The following SYT3 variants were observed in gnomAD, a reference collection of about 807,000 sequenced individuals.
SYT3 encodes synaptotagmin 3, also known as synaptotagmin-3.
A neutral mutation model predicts 50.6 loss-of-function variants in SYT3; 25 were observed. The ratio of observed to expected loss-of-function variants is 0.49; its 90% CI spans 0.36 to 0.69. SYT3 has a LOEUF of 0.69. Ranked by LOEUF, SYT3 falls within the 30% of genes least tolerant of loss-of-function variation. SYT3 has a pLI of 0.00. For missense variants in SYT3, 589 were observed against 793.6 expected (o/e 0.74, Z 3.10); for synonymous variants, 323 against 353.9 (o/e 0.91, Z 0.98).
chr19:50,625,693 C>T lies in SYT3; in HGVS notation c.1403-129G>A. The T allele has an allele frequency of 7.1e-6, 10 of 1,404,564 alleles. No homozygotes were observed. The highest frequency in any genetic ancestry group is 9.5e-6 in the Non-Finnish European group (10 of 1,051,680). 87.0% of individuals were successfully genotyped at this position (1,404,564 alleles called of 1,614,324 possible). A position where few individuals can be genotyped will look rare whatever the true frequency, so the allele number is the denominator to read the frequency against. Reference sequence around the variant, plus strand: ...GGCCCCAGGCCCCCAGTCCCTCCTTCCTCAGGCCCAAGAGTCCAGACCCCA... The same window carrying T: ...GGCCCCAGGCCCCCAGTCCCTCCTTTCTCAGGCCCAAGAGTCCAGACCCCA... On this transcript the variant is annotated intron_variant, in intron 7 of 10. Transcript: ENST00000600079. The surrounding 1 kb of genome is among the most constrained non-coding windows in gnomAD (Gnocchi z 7.5).
intron 3 of SYT3, among the ~76,000 whole-genome samples, chr19:50,636,295 G>C (rs1984493207): frequency 6.6e-6 from 1 of 152,140 alleles, no homozygotes; most frequent in Admixed American, 6.5e-5. Context: ...ACAGTTTCCT[G>C]AGTTCTGTGA....
chr19:50,633,771 A>G (rs1984403450), intron 3 of SYT3, among the ~76,000 whole-genome samples: 1 of 152,228 alleles, frequency 6.6e-6, no homozygotes, highest in African/African-American at 2.4e-5. Flanking sequence ...TAAGCCTGCC[A>G]GGCACTACAT....
At position 50,635,424 on chromosome 19, in the gene SYT3, C is replaced by T. The variant is rs190583214; in HGVS notation, c.148+1840G>A. The stretch of plus-strand genomic sequence containing the variant: ...GAATCCCACAAACCCTGACAGATTC[C>T]CCATTCCTGTCTGCACAGACTGGGG... On this transcript the variant is annotated intron_variant, in intron 3 of 10. Transcript: ENST00000600079. Among the ~76,000 whole-genome samples, 6 of 152,324 alleles carry T rather than the reference C, an allele frequency of 3.9e-5. No homozygotes were observed. The South Asian group carries it at 8.3e-4, about 21-fold the overall frequency.
At chr19:50,630,569 T>G (rs1333912198) in intron 4 of SYT3, among the ~76,000 whole-genome samples, 2 of 152,076 alleles carry the variant, frequency 1.3e-5, no homozygotes, top group African/African-American at 4.8e-5. Flanking sequence ...ATTACAGGCA[T>G]GCACCACCAT....
the SYT3 span, among the ~76,000 whole-genome samples, chr19:50,656,535 T>G: frequency 6.6e-6 from 1 of 151,894 alleles, no homozygotes; most frequent in South Asian, 2.1e-4. Context: ...AATCTACTGC[T>G]CATGTCAGAG....
At chr19:50,649,998 C>T in the SYT3 span, among the ~76,000 whole-genome samples, 2 of 152,184 alleles carry the variant, frequency 1.3e-5, no homozygotes, top group South Asian at 4.1e-4. Context: ...ATTCCTTCCT[C>T]TCTGTCCCCG....
Position 50,637,213 on chromosome 19 carries a change from C to G in SYT3, c.148+51G>C, listed in dbSNP as rs755355574. 3.8e-6 allele frequency: 6 copies of G among 1,595,818 alleles called. No homozygotes were observed. In the South Asian group the frequency reaches 6.6e-5, roughly 18 times the overall value. ...AGCTGAGCAGTTCTGCTCCGAGTCT[C>G]CTGGCCATAGTGCAAGCAGGGGGCT... On this transcript the variant is annotated intron_variant, in intron 3 of 10. Transcript: ENST00000600079. The surrounding 1 kb of genome is among the most constrained non-coding windows in gnomAD (Gnocchi z 4.9).
chr19:50,649,721 A>G, the SYT3 span: 1 of 678,794 alleles, frequency 1.5e-6, no homozygotes, highest in East Asian at 2.9e-5. Flanking sequence ...TCCTTGGCCA[A>G]TGCCCTGGAC....
At chr19:50,648,089 G>A in the SYT3 span, among the ~76,000 whole-genome samples, 1 of 152,136 alleles carries the variant, frequency 6.6e-6, no homozygotes, top group Non-Finnish European at 1.5e-5. Flanking sequence ...TCATCTCCAG[G>A]AATCCAACTG....
chr19:50,633,282 A>G (rs968869635), intron 3 of SYT3, among the ~76,000 whole-genome samples: 5 of 152,246 alleles, frequency 3.3e-5, no homozygotes, highest in African/African-American at 1.2e-4. Context: ...TGCCCAGCCC[A>G]GTAGTTCTAT....
chr19:50,650,473 C>T, the SYT3 span, among the ~76,000 whole-genome samples: 411 of 152,262 alleles, frequency 2.7e-3, 14 homozygotes, highest in East Asian at 0.064. Context: ...AGTTCAAGGC[C>T]AGCCAGCCTG....
At chr19:50,654,813 G>A in the SYT3 span, among the ~76,000 whole-genome samples, 4 of 151,174 alleles carry the variant, frequency 2.6e-5, no homozygotes, top group Non-Finnish European at 4.4e-5. Flanking sequence ...ATTTTTTTTT[G>A]TAGAGATAGG....
chr19:50,655,910 G>T, the SYT3 span: 1 of 789,610 alleles, frequency 1.3e-6, no homozygotes, highest in Non-Finnish European at 2.1e-6. Flanking sequence ...GTGGAGTTTG[G>T]AGCTAAGAGA....
rs1279594073 is a variant in SYT3, at chr19:50,632,705, G to A, written c.255C>T (p.Asp85=). 3.8e-6 allele frequency: 6 copies of A among 1,590,270 alleles called. No homozygotes were observed. The highest frequency in any genetic ancestry group is 5.1e-6 in the Non-Finnish European group (6 of 1,169,118). Residue 85 remains aspartate, a synonymous_variant, in exon 4 of 11, where the codon GAC becomes GAT. Coordinates refer to ENST00000600079, the MANE Select transcript of SYT3 (RefSeq NM_001160329.2). This position sits in a 1 kb window ranked among gnomAD's most constrained non-coding sequence, Gnocchi z 4.7. ...CACCGCCCACTGCCGAGCCTCCCTT[G>A]TCCCGCCAGGGCACCCAGCACAACT... is the stretch of plus-strand genomic sequence containing the variant. The part of the protein sequence containing the change: ...SWKLCWVPWR[D]KGGSAVGGGP...
At chr19:50,627,903 G>A (rs111655020) in intron 6 of SYT3, among the ~76,000 whole-genome samples, 4 of 152,330 alleles carry the variant, frequency 2.6e-5, no homozygotes, top group African/African-American at 9.6e-5. Context: ...ATGACTGGGA[G>A]TAGGAGCTGG....
At chr19:50,629,015 G>A (rs948974303) in intron 6 of SYT3, among the ~76,000 whole-genome samples, 1 of 151,900 alleles carries the variant, frequency 6.6e-6, no homozygotes, top group East Asian at 1.9e-4. Context: ...GTAGAGATGG[G>A]GTTTCTCCAT....
the SYT3 span, among the ~76,000 whole-genome samples, chr19:50,651,226 G>A: frequency 2.6e-5 from 4 of 152,102 alleles, no homozygotes; most frequent in African/African-American, 9.7e-5. Flanking sequence ...CTTTAGTCTT[G>A]GGGCTCAAGG....
At position 50,639,830 on chromosome 19, in the gene SYT3, C is replaced by A; in HGVS notation, c.-194G>T. ...CCGCCGCTGCCGCCGCCGCCGCCGC[C>A]GCAGCCCCGCGCGCCAGCCGCGGTG... On this transcript the variant is annotated 5_prime_UTR_variant, in exon 1 of 11. Transcript: ENST00000600079. This position sits in a 1 kb window ranked among gnomAD's most constrained non-coding sequence, Gnocchi z 4.6. 3.8e-5 allele frequency: 6 copies of A among 159,114 alleles called. No homozygotes were observed. Among genetic ancestry groups the A allele is most frequent in the Non-Finnish European group, 8.1e-5 (6 of 74,042 alleles). 9.9% of individuals were successfully genotyped at this position (159,114 alleles called of 1,614,324 possible).
the SYT3 span, among the ~76,000 whole-genome samples, chr19:50,652,574 A>C: frequency 1.3e-5 from 2 of 152,018 alleles, no homozygotes; most frequent in South Asian, 2.1e-4. Context: ...CAGAGAGTCC[A>C]AGTCGCAGAA....
Sources: gnomAD v4.1 joint callset for allele counts (sites outside exome capture counted in the v4.1 genomes callset) on GRCh38, gnomAD v4.1.1 for gene constraint, Gnocchi (gnomAD v3.1) non-coding constraint, MANE v1.5 for transcripts, NCBI Gene and HGNC (gene_info 2026-07-23, HGNC 2026-07-21) for gene names.